The following RORA variants were observed in gnomAD, a reference collection of about 807,000 sequenced individuals.
RORA encodes RAR related orphan receptor A.
RORA carries 7 observed loss-of-function variants against 69.5 expected under a neutral mutation model. That is an observed-to-expected ratio of 0.10 (90% CI 0.06 to 0.19). RORA has a LOEUF of 0.19. RORA is among the 10% of genes least tolerant of loss of function. RORA has a pLI of 1.00. For synonymous variants in RORA, 261 were observed against 240.8 expected (o/e 1.08, Z -0.78); for missense variants, 457 against 663.0 (o/e 0.69, Z 3.41).
intron 1 of RORA, among the ~76,000 whole-genome samples, chr15:60,991,405 G>A (rs28590738): frequency 0.019 from 2,938 of 152,216 alleles, 100 homozygotes; most frequent in African/African-American, 0.067. Context: ...TTCAGTTAGA[G>A]AGGTCAATAG....
intron 1 of RORA, among the ~76,000 whole-genome samples, chr15:61,192,249 G>A (rs972949968): frequency 6.6e-6 from 1 of 152,240 alleles, no homozygotes; most frequent in African/African-American, 2.4e-5. Context: ...CTATAAAATA[G>A]TCATTCTGTA....
intron 1 of RORA, among the ~76,000 whole-genome samples, chr15:61,183,755 T>C (rs1296104736): frequency 2.6e-5 from 4 of 152,220 alleles, no homozygotes; most frequent in Non-Finnish European, 5.9e-5. Context: ...GAATAATCTT[T>C]ATCACTGCTA....
Position 60,620,031 on chromosome 15 carries a change from G to A in RORA, c.196+58626C>T, listed in dbSNP as rs751582972. ...CTTCCTGTCCCTTCAACTCCTGAAG[G>A]TCCCACGGTCAGCATCTCTCACTAT... On this transcript the variant is annotated intron_variant, in intron 2 of 10. Transcript: ENST00000335670. Among the ~76,000 whole-genome samples, 4 of 152,266 alleles carry A rather than the reference G, an allele frequency of 2.6e-5. No homozygotes were observed. In the East Asian group the frequency reaches 7.7e-4, roughly 29 times the overall value.
intron 1 of RORA, among the ~76,000 whole-genome samples, chr15:61,001,270 C>G (rs934742750): frequency 6.6e-6 from 1 of 152,168 alleles, no homozygotes; most frequent in African/African-American, 2.4e-5. Context: ...CCTGTGAGGG[C>G]GCAAGAGTGT....
At position 61,066,724 on chromosome 15, in the gene RORA, C is replaced by T. The variant is rs529037018; in HGVS notation, c.166+162329G>A. ...ATTACAAGCGCGAGCCACTATGCCC[C>T]GCTGGCATGTTCCTTAAGAACACAG... is the stretch of plus-strand genomic sequence containing the variant. On this transcript the variant is annotated intron_variant, in intron 1 of 10. Coordinates refer to ENST00000335670, the MANE Select transcript of RORA (RefSeq NM_134261.3). Among the ~76,000 whole-genome samples, 28 of 151,632 alleles carry T rather than the reference C, an allele frequency of 1.8e-4. No homozygotes were observed. In the South Asian group the frequency reaches 3.1e-3, roughly 17 times the overall value.
intron 1 of RORA, among the ~76,000 whole-genome samples, chr15:61,168,778 A>G (rs1288427044): frequency 6.6e-6 from 1 of 152,018 alleles, no homozygotes; most frequent in Non-Finnish European, 1.5e-5. Context: ...ACCGAGATTC[A>G]GTCCTAGTTC....
chr15:60,775,661 C>A (rs550578327), intron 1 of RORA, among the ~76,000 whole-genome samples: 3 of 152,288 alleles, frequency 2.0e-5, no homozygotes, highest in African/African-American at 7.2e-5. Context: ...TTTATGCCTA[C>A]CTTGGAACAG....
intron 3 of RORA, among the ~76,000 whole-genome samples, chr15:60,516,191 ATATATTT>A (rs2065935212): frequency 6.3e-5 from 1 of 15,798 alleles, no homozygotes; most frequent in African/African-American, 3.0e-4. Context: ...ATATTTATAT[ATATATTT>A]ATATATATAT....
At chr15:60,859,455 G>A (rs1338121415) in intron 1 of RORA, among the ~76,000 whole-genome samples, 1 of 149,350 alleles carries the variant, frequency 6.7e-6, no homozygotes, top group East Asian at 2.0e-4. Flanking sequence ...CAGACTTACT[G>A]AATCTGAATT....
chr15:61,191,516 T>C lies in RORA; in HGVS notation c.166+37537A>G, dbSNP rs1017741937. ...TCCCAGGACACCACAAGGCTGGCTA[T>C]TGTACTTCTTAGGCTGTGTCAAAAC... On this transcript the variant is annotated intron_variant, in intron 1 of 10. Coordinates refer to ENST00000335670, the MANE Select transcript of RORA (RefSeq NM_134261.3). Among the ~76,000 whole-genome samples, 6 of 152,340 alleles carry C rather than the reference T, an allele frequency of 3.9e-5. No homozygotes were observed. The South Asian group carries it at 1.0e-3, about 26-fold the overall frequency.
chr15:60,685,746 A>T (rs2070736427), intron 1 of RORA, among the ~76,000 whole-genome samples: 1 of 152,228 alleles, frequency 6.6e-6, no homozygotes, highest in South Asian at 2.1e-4. Flanking sequence ...GAAATAAATT[A>T]TGTGCCAGGG....
At chr15:60,932,372 A>G (rs1892398155) in intron 1 of RORA, among the ~76,000 whole-genome samples, 1 of 152,204 alleles carries the variant, frequency 6.6e-6, no homozygotes. Flanking sequence ...ATTAAAAACC[A>G]TTAATTCCTT....
At chr15:61,227,660 G>C (rs76052316) in intron 1 of RORA, among the ~76,000 whole-genome samples, 1,988 of 152,068 alleles carry the variant, frequency 0.013, 15 homozygotes, top group Middle Eastern at 0.051. Flanking sequence ...GAAGGGAGCA[G>C]TTCCTGGGGC....
intron 1 of RORA, among the ~76,000 whole-genome samples, chr15:61,127,472 G>A (rs1038434885): frequency 6.6e-5 from 10 of 152,288 alleles, no homozygotes; most frequent in African/African-American, 2.4e-4. Flanking sequence ...CAAACTGTAC[G>A]TTATATCTCT....
chr15:60,541,057 G>C (rs1327550043), intron 2 of RORA, among the ~76,000 whole-genome samples: 1 of 152,178 alleles, frequency 6.6e-6, no homozygotes, highest in East Asian at 1.9e-4. Flanking sequence ...TGAAGCTTTG[G>C]ATGAGAGATG....
At chr15:61,171,550 T>G (rs939280644) in intron 1 of RORA, among the ~76,000 whole-genome samples, 5 of 152,292 alleles carry the variant, frequency 3.3e-5, no homozygotes, top group African/African-American at 1.2e-4. Flanking sequence ...TGCTCAGATG[T>G]GGGGTATTAA....
chr15:61,156,436 A>C (rs1259600385), intron 1 of RORA, among the ~76,000 whole-genome samples: 1 of 152,178 alleles, frequency 6.6e-6, no homozygotes, highest in Non-Finnish European at 1.5e-5. Context: ...CCCCTACAGT[A>C]CATGAGTCAT....
chr15:60,715,120 G>A (rs2071202552), intron 1 of RORA, among the ~76,000 whole-genome samples: 1 of 152,202 alleles, frequency 6.6e-6, no homozygotes, highest in Non-Finnish European at 1.5e-5. Flanking sequence ...GAGAGGATGA[G>A]TTTTAATAAC....
chr15:60,631,249 C>A (rs966470894), intron 2 of RORA, among the ~76,000 whole-genome samples: 3 of 152,172 alleles, frequency 2.0e-5, no homozygotes, highest in African/African-American at 7.2e-5. Context: ...CCATCTGGGG[C>A]TATGTGACTG....
Sources: allele counts gnomAD v4.1 joint callset (sites outside exome capture counted in the v4.1 genomes callset), GRCh38; gene constraint gnomAD v4.1.1; transcripts MANE v1.5; gene names NCBI Gene and HGNC (gene_info 2026-07-23, HGNC 2026-07-21).